Variants in DDX60 observed in about 807,000 individuals in gnomAD.
DDX60 encodes the protein probable ATP-dependent RNA helicase DDX60.
A neutral mutation model predicts 212.8 loss-of-function variants in DDX60; 165 were observed. The ratio of observed to expected loss-of-function variants is 0.78; its 90% CI spans 0.68 to 0.88. DDX60 has a LOEUF of 0.88. DDX60 is among the 40% of genes least tolerant of loss of function. DDX60 has a pLI of 0.00. For synonymous variants in DDX60, 703 were observed against 685.3 expected, an observed-to-expected ratio of 1.03 and a Z score of -0.40; for missense variants, 1,905 against 2,003.9, an observed-to-expected ratio of 0.95 and a Z score of 0.94.
Position 168,216,768 on chromosome 4 carries a change from T to C in DDX60, c.*165A>G. 1.9e-6 allele frequency: 1 copy of C among 515,478 alleles called. No homozygotes were observed. The highest frequency in any genetic ancestry group is 3.4e-6 in the Non-Finnish European group (1 of 297,332). 31.9% of individuals were successfully genotyped at this position (515,478 alleles called of 1,614,324 possible). A position where few individuals can be genotyped will look rare whatever the true frequency, so the allele number is the denominator to read the frequency against. On this transcript the variant is annotated 3_prime_UTR_variant, in exon 38 of 38. Coordinates refer to ENST00000393743, the MANE Select transcript of DDX60 (RefSeq NM_017631.6). The stretch of plus-strand genomic sequence containing the variant: ...GTATTCATGACAGAACATGGCAGGT[T>C]TGATTGCAACTCTGTTTGATTCCAA...
At chr4:168,250,618 C>A (rs545039568) in intron 28 of DDX60, among the ~76,000 whole-genome samples, 1 of 151,420 alleles carries the variant, frequency 6.6e-6, no homozygotes, top group Admixed American at 6.6e-5. Context: ...CTCCACCTCC[C>A]GGGTTCAAGC....
At chr4:168,256,658 T>C (rs1244488393) in intron 25 of DDX60, among the ~76,000 whole-genome samples, 1 of 152,218 alleles carries the variant, frequency 6.6e-6, no homozygotes, top group Non-Finnish European at 1.5e-5. Flanking sequence ...TGCATTTCCC[T>C]GTGTCAAGAA....
At chr4:168,280,904 C>G (rs1227854751) in intron 13 of DDX60, among the ~76,000 whole-genome samples, 1 of 152,136 alleles carries the variant, frequency 6.6e-6, no homozygotes, top group Non-Finnish European at 1.5e-5. Flanking sequence ...CTTTGGGAGG[C>G]TGAGGCTGGA....
rs1319952636 is a variant in DDX60, at chr4:168,276,005, A to T, written c.2145+10T>A. The stretch of plus-strand genomic sequence containing the variant: ...ACCCTGTTGAAATTGAGCTATTCTG[A>T]TAATATTACCTGGGCTGGATGTAAA... On this transcript the variant is annotated intron_variant, in intron 15 of 37. Transcript: ENST00000393743. The T allele has an allele frequency of 1.7e-5, 28 of 1,603,070 alleles. No individual in the cohort carries two copies. The highest frequency in any genetic ancestry group is 2.4e-5 in the Non-Finnish European group (28 of 1,173,100).
chr4:168,268,103 C>A, intron 20 of DDX60, 120 bp from the exon 21 acceptor site: 2 of 756,352 alleles, frequency 2.6e-6, no homozygotes, highest in African/African-American at 1.8e-5. Flanking sequence ...GGAATAGACT[C>A]AGAAGCCAGA....
Position 168,275,430 on chromosome 4 carries a change from A to C in DDX60, c.2219T>G (p.Leu740Arg). 1 of 1,613,286 alleles carries C rather than the reference A, an allele frequency of 6.2e-7. No individual in the cohort carries two copies. Among genetic ancestry groups the C allele is most frequent in the Non-Finnish European group, 8.5e-7 (1 of 1,179,612 alleles). ...SVGIGPARFQ[L>R]QYMGHYLIRD... ...TATCAAATAATGGCCCATGTATTGC[A>C]GTTGGAACCGAGCTGGCCCAATGCC... Residue 740 changes from leucine to arginine, a missense_variant, in exon 16 of 38, where the codon CTG becomes CGG. Leu to Arg is a moderately radical substitution (Grantham distance 102). Transcript: ENST00000393743.
At chr4:168,282,407 C>G (rs1735632879) in intron 13 of DDX60, among the ~76,000 whole-genome samples, 1 of 152,098 alleles carries the variant, frequency 6.6e-6, no homozygotes, top group Non-Finnish European at 1.5e-5. Flanking sequence ...GCACATTTTC[C>G]TGATCTTGCC....
intron 15 of DDX60, 77 bp downstream of exon 15, chr4:168,275,938 G>A: frequency 2.4e-6 from 3 of 1,260,370 alleles, no homozygotes; most frequent in Admixed American, 2.7e-5. Context: ...ATCTGGAAGA[G>A]ATGACTATCT....
chr4:168,283,639 T>C (rs752724378), intron 12 of DDX60, 33 bp from the exon 13 acceptor site: 2 of 1,531,500 alleles, frequency 1.3e-6, no homozygotes, highest in South Asian at 1.2e-5. Context: ...TGTAACTTTA[T>C]TGTAGTTTTT....
intron 8 of DDX60, among the ~76,000 whole-genome samples, chr4:168,289,558 A>G (rs904790970): frequency 3.3e-5 from 5 of 152,092 alleles, no homozygotes; most frequent in African/African-American, 1.2e-4. Flanking sequence ...CAATTCCTAA[A>G]CTTTTATCTC....
At position 168,248,171 on chromosome 4, in the gene DDX60, T is replaced by A; in HGVS notation, c.3963+17A>T. 1.3e-6 allele frequency: 2 copies of A among 1,552,628 alleles called. No individual in the cohort carries two copies. The highest frequency in any genetic ancestry group is 1.8e-6 in the Non-Finnish European group (2 of 1,139,426). On this transcript the variant is annotated intron_variant, in intron 29 of 37. Transcript: ENST00000393743. ...ATTTCAGCAATACAATAAGCAAGTT[T>A]ATGCATTTTGCAATACCTGTCTATA...
At chr4:168,273,660 C>A (rs914320908) in intron 17 of DDX60, among the ~76,000 whole-genome samples, 1 of 151,960 alleles carries the variant, frequency 6.6e-6, no homozygotes, top group Non-Finnish European at 1.5e-5. Flanking sequence ...GAAAATGTTG[C>A]CTATATATCA....
chr4:168,298,208 TAACA>T (rs942320529), intron 6 of DDX60, among the ~76,000 whole-genome samples: 2 of 151,918 alleles, frequency 1.3e-5, no homozygotes, highest in African/African-American at 4.8e-5. Flanking sequence ...TAAAGAAACT[TAACA>T]AACACACCAG....
At chr4:168,294,151 T>G (rs1436684093) in intron 6 of DDX60, among the ~76,000 whole-genome samples, 1 of 151,998 alleles carries the variant, frequency 6.6e-6, no homozygotes, top group Non-Finnish European at 1.5e-5. Flanking sequence ...ATAATAAAAT[T>G]TTTCTGAGAC....
chr4:168,272,018 A>C lies in DDX60; in HGVS notation c.2670+25T>G, dbSNP rs749288591. 11 of 1,527,894 alleles carry C rather than the reference A, an allele frequency of 7.2e-6. No individual in the cohort carries two copies. In the Admixed American group the frequency reaches 2.1e-4, roughly 29 times the overall value. 94.6% of individuals were successfully genotyped at this position (1,527,894 alleles called of 1,614,324 possible). A position where few individuals can be genotyped will look rare whatever the true frequency, so the allele number is the denominator to read the frequency against. ...TATGCAAGTGTGCACTAGGGAATTAAGCAAAGAAAGAACACCAAACCTACC... is the reference window on the plus strand; with the variant it reads ...TATGCAAGTGTGCACTAGGGAATTACGCAAAGAAAGAACACCAAACCTACC... On this transcript the variant is annotated intron_variant, in intron 19 of 37. Coordinates refer to ENST00000393743, the MANE Select transcript of DDX60 (RefSeq NM_017631.6).
intron 36 of DDX60, 122 bp from the exon 37 acceptor site, chr4:168,220,839 A>G: frequency 2.2e-6 from 1 of 458,052 alleles, no homozygotes; most frequent in Non-Finnish European, 3.7e-6. Context: ...TCTTTCCAAA[A>G]ATTATTTCTG....
At chr4:168,284,584 T>C (rs962204728) in intron 12 of DDX60, among the ~76,000 whole-genome samples, 1 of 152,210 alleles carries the variant, frequency 6.6e-6, no homozygotes, top group African/African-American at 2.4e-5. Flanking sequence ...CATCTTTCCT[T>C]GAAACAACTT....
chr4:168,311,076 A>T lies in DDX60; in HGVS notation c.5-9T>A, dbSNP rs551291591. On this transcript the variant is annotated splice_polypyrimidine_tract_variant and intron_variant, in intron 2 of 37. Transcript: ENST00000393743. ...TGTAAGAACATTTCTTTCTAAATTT[A>T]AAAAAAAAGAGAGAAAGAGAATGGG... The T allele has an allele frequency of 1.3e-5, 18 of 1,400,038 alleles. No homozygotes were observed. The highest frequency in any genetic ancestry group is 7.6e-5 in the Admixed American group (4 of 52,946). 86.7% of individuals were successfully genotyped at this position (1,400,038 alleles called of 1,614,324 possible). A position where few individuals can be genotyped will look rare whatever the true frequency, so the allele number is the denominator to read the frequency against.
chr4:168,286,018 G>A (rs1474640198), intron 10 of DDX60, among the ~76,000 whole-genome samples: 1 of 143,700 alleles, frequency 7.0e-6, no homozygotes, highest in Non-Finnish European at 1.5e-5. Context: ...AGGGAAGGAA[G>A]GATGGAGGGA....
Sources: gnomAD v4.1 joint callset for allele counts (sites outside exome capture counted in the v4.1 genomes callset) on GRCh38, gnomAD v4.1.1 for gene constraint, MANE v1.5 for transcripts, NCBI Gene and HGNC (gene_info 2026-07-23, HGNC 2026-07-21) for gene names.